PC: variants seen among roughly 807,000 people sequenced by gnomAD.
PC encodes the protein pyruvate carboxylase.
In PC, 46 loss-of-function variants were observed where a neutral mutation model predicts 107.8. The ratio of observed to expected loss-of-function variants is 0.43; its 90% CI spans 0.34 to 0.55. The LOEUF (loss-of-function observed/expected upper bound fraction) is 0.55. PC is among the 20% of genes least tolerant of loss of function. The pLI is 0.04. For missense variants in PC, 1,241 were observed against 1,643.1 expected (o/e 0.76, Z 4.23); for synonymous variants, 662 against 684.7 (o/e 0.97, Z 0.52).
intron 3 of PC, among the ~76,000 whole-genome samples, chr11:66,888,608 C>T (rs1306113448): frequency 2.0e-5 from 3 of 152,108 alleles, no homozygotes; most frequent in Non-Finnish European, 2.9e-5. Context: ...GGGGATGTGG[C>T]CTTAAATAAA....
chr11:66,859,019 C>G lies in PC; in HGVS notation c.1368+4755G>C, dbSNP rs753128001. ...CCTCAGGGCTGGTGAGCTGGGGTCCCGGGCGGCCAGCCGACCCAGTGTGGA... is the reference window on the plus strand; with the variant it reads ...CCTCAGGGCTGGTGAGCTGGGGTCCGGGGCGGCCAGCCGACCCAGTGTGGA... On this transcript the variant is annotated intron_variant, in intron 12 of 22. Transcript: ENST00000393960. 31 of 1,511,304 alleles carry G rather than the reference C, an allele frequency of 2.1e-5. No homozygotes were observed. The Middle Eastern group carries it at 1.4e-3, about 70-fold the overall frequency. The allele number at this position is 1,511,304 out of a possible 1,614,324, so 93.6% of individuals were successfully genotyped here.
chr11:66,865,747 G>C (rs1946466513), intron 11 of PC, among the ~76,000 whole-genome samples: 1 of 152,048 alleles, frequency 6.6e-6, no homozygotes, highest in Non-Finnish European at 1.5e-5. Flanking sequence ...CCTGAGCTTG[G>C]CTCAGACTCC....
rs977946559 is a variant in PC at position 66,851,799 on chromosome 11, A to G, written c.1973T>C (p.Val658Ala). Residue 658 changes from valine (V) to alanine (A), a missense_variant, in exon 16 of 23, where the codon GTG becomes GCG. Val to Ala is a moderately conservative substitution (Grantham distance 64, BLOSUM62 0). Coordinates refer to ENST00000393960, the MANE Select transcript of PC (RefSeq NM_001040716.2). ...AVGYTNYPDN[V>A]VFKFCEVAKE... is the part of the protein sequence containing the mutation. Reference sequence around the variant, plus strand: ...CCCACCCCAGGCTCACTTGAAGACCACGTTGTCTGGGTAGTTGGTGTAGCC... The same window carrying G: ...CCCACCCCAGGCTCACTTGAAGACCGCGTTGTCTGGGTAGTTGGTGTAGCC... The G allele has an allele frequency of 6.2e-7, 1 of 1,614,108 alleles. No individual in the cohort carries two copies. Among genetic ancestry groups the G allele is most frequent in the Admixed American group, 1.7e-5 (1 of 60,014 alleles).
At position 66,857,332 on chromosome 11, in the gene PC, C is replaced by G. The variant is rs1300814110; in HGVS notation, c.1369-3949G>C. The G allele has an allele frequency of 6.4e-6, 1 of 155,046 alleles. No homozygotes were observed. Among genetic ancestry groups the G allele is most frequent in the Admixed American group, 6.5e-5 (1 of 15,350 alleles). The allele number at this position is 155,046 out of a possible 1,614,324, so 9.6% of individuals were successfully genotyped here. ...CGCCGGGCGCAGCGCGGGGGCCGGC[C>G]AGGGAGGGGCCACGGACTCCACGGG... is the stretch of plus-strand genomic sequence containing the variant. On this transcript the variant is annotated intron_variant, in intron 12 of 22. Coordinates refer to ENST00000393960, the MANE Select transcript of PC (RefSeq NM_001040716.2). This position sits in a 1 kb window ranked among gnomAD's most constrained non-coding sequence, Gnocchi z 7.1.
At chr11:66,915,153 A>G (rs1948435710) in intron 3 of PC, among the ~76,000 whole-genome samples, 1 of 141,782 alleles carries the variant, frequency 7.1e-6, no homozygotes, top group African/African-American at 2.5e-5. Flanking sequence ...GGAGGGAGGG[A>G]GGGAGGGTGC....
At chr11:66,860,162 C>G in intron 12 of PC, 1 of 1,547,972 alleles carries the variant, frequency 6.5e-7, no homozygotes, top group Non-Finnish European at 8.7e-7. Context: ...GGGTAGGAGG[C>G]AGCGCCGAGC....
chr11:66,925,303 TG>T (rs1346179772), intron 3 of PC, among the ~76,000 whole-genome samples: 1 of 152,154 alleles, frequency 6.6e-6, no homozygotes, highest in African/African-American at 2.4e-5. Context: ...TACGGGAGAC[TG>T]GGGCTTATTT....
chr11:66,881,261 C>T (rs909829685), intron 3 of PC, among the ~76,000 whole-genome samples: 7 of 152,374 alleles, frequency 4.6e-5, no homozygotes, highest in African/African-American at 1.7e-4. Flanking sequence ...TGACAGATCC[C>T]TTTTCTTGGC....
At chr11:66,853,765 T>G (rs529297240) in intron 12 of PC, among the ~76,000 whole-genome samples, 4 of 152,318 alleles carry the variant, frequency 2.6e-5, no homozygotes, top group African/African-American at 9.6e-5. Flanking sequence ...ACTCTGGCAC[T>G]CTAAGTCACT....
Position 66,852,030 on chromosome 11 carries a change from C to T in PC, c.1826-84G>A. The T allele has an allele frequency of 7.1e-7, 1 of 1,410,676 alleles. No individual in the cohort carries two copies. Among genetic ancestry groups the T allele is most frequent in the Non-Finnish European group, 9.9e-7 (1 of 1,013,386 alleles). The allele number at this position is 1,410,676 out of a possible 1,614,324, so 87.4% of individuals were successfully genotyped here. A position where few individuals can be genotyped will look rare whatever the true frequency, so the allele number is the denominator to read the frequency against. ...CTTGGAGCTAGCTCTGCAGCACAAGCCTCTGGCCCCAATACCAGGTCCTGC... is the reference window on the plus strand; with the variant it reads ...CTTGGAGCTAGCTCTGCAGCACAAGTCTCTGGCCCCAATACCAGGTCCTGC... On this transcript the variant is annotated intron_variant, in intron 15 of 22. Coordinates refer to ENST00000393960, the MANE Select transcript of PC (RefSeq NM_001040716.2). This position sits in a 1 kb window ranked among gnomAD's most constrained non-coding sequence, Gnocchi z 4.7.
intron 10 of PC, among the ~76,000 whole-genome samples, chr11:66,868,524 C>T (rs372649995): frequency 9.9e-5 from 15 of 152,278 alleles, no homozygotes; most frequent in East Asian, 1.9e-4. Context: ...TGTGTGACCC[C>T]GAGCAACTCT....
rs900087019 is a variant in PC, at chr11:66,870,700, A to G, written c.751+75T>C. 4.3e-5 allele frequency: 61 copies of G among 1,419,068 alleles called. No homozygotes were observed. Among genetic ancestry groups the G allele is most frequent in the Non-Finnish European group, 7.9e-6 (8 of 1,013,300 alleles). 87.9% of individuals were successfully genotyped at this position (1,419,068 alleles called of 1,614,324 possible). A position where few individuals can be genotyped will look rare whatever the true frequency, so the allele number is the denominator to read the frequency against. On this transcript the variant is annotated intron_variant, in intron 8 of 22. Transcript: ENST00000393960. The surrounding 1 kb of genome is among the most constrained non-coding windows in gnomAD (Gnocchi z 6.1). Reference sequence around the variant, plus strand: ...CCCAGGGCTGTCCCCAAGGCCAGCCACTGTGACGGCACCAGGACTGGGCCT... The same window carrying G: ...CCCAGGGCTGTCCCCAAGGCCAGCCGCTGTGACGGCACCAGGACTGGGCCT...
rs1394438262 is a variant in PC, at chr11:66,941,584, C to T, written c.-1+10846G>A. Among the ~76,000 whole-genome samples, 8 of 152,232 alleles carry T rather than the reference C, an allele frequency of 5.3e-5. No homozygotes were observed. In the East Asian group the frequency reaches 1.2e-3, roughly 22 times the overall value. ...TCGGCTCACTGCAAGCTCCGCCTCC[C>T]GGGTTCACACCATTCTGCTGCCTCA... On this transcript the variant is annotated intron_variant, in intron 3 of 22. Coordinates refer to ENST00000393960, the MANE Select transcript of PC (RefSeq NM_001040716.2).
intron 3 of PC, among the ~76,000 whole-genome samples, chr11:66,917,310 G>T (rs1948485227): frequency 6.6e-6 from 1 of 152,074 alleles, no homozygotes; most frequent in Non-Finnish European, 1.5e-5. Flanking sequence ...GGCCTCAAGT[G>T]ATCCACCCCG....
At chr11:66,952,194 G>T (rs1949455290) in intron 3 of PC, 1 of 152,264 alleles carries the variant, frequency 6.6e-6, no homozygotes, top group Non-Finnish European at 1.5e-5. Flanking sequence ...CTTCTGCTGA[G>T]GCTGGCCAGC....
intron 3 of PC, among the ~76,000 whole-genome samples, chr11:66,922,332 T>C (rs973446911): frequency 6.6e-6 from 1 of 151,864 alleles, no homozygotes; most frequent in Non-Finnish European, 1.5e-5. Flanking sequence ...CCCAACACTT[T>C]GGGAGGCTGG....
intron 3 of PC, among the ~76,000 whole-genome samples, chr11:66,949,692 C>A (rs1382111261): frequency 6.6e-6 from 1 of 151,996 alleles, no homozygotes; most frequent in Admixed American, 6.6e-5. Context: ...AAATAAAAGC[C>A]CCCTGAAAGT....
Position 66,863,973 on chromosome 11 carries a change from G to T in PC, c.1186-17C>A, listed in dbSNP as rs1480849149. The T allele has an allele frequency of 6.2e-7, 1 of 1,613,340 alleles. No individual in the cohort carries two copies. On this transcript the variant is annotated splice_polypyrimidine_tract_variant and intron_variant, in intron 11 of 22. Transcript: ENST00000393960. ...CCGGAACACCTGTGGGAAGGGTGAGGCGTGAGGACCTGCGCCAGAAACTGC... is the reference window on the plus strand; with the variant it reads ...CCGGAACACCTGTGGGAAGGGTGAGTCGTGAGGACCTGCGCCAGAAACTGC...
chr11:66,923,016 T>G (rs1285243303), intron 3 of PC, among the ~76,000 whole-genome samples: 1 of 152,162 alleles, frequency 6.6e-6, no homozygotes, highest in Non-Finnish European at 1.5e-5. Context: ...TCTTGAGGCG[T>G]GCTGAGCAAT....
Sources: allele counts gnomAD v4.1 joint callset (sites outside exome capture counted in the v4.1 genomes callset), GRCh38; gene constraint gnomAD v4.1.1; non-coding constraint Gnocchi (gnomAD v3.1); transcripts MANE v1.5; gene names NCBI Gene and HGNC (gene_info 2026-07-23, HGNC 2026-07-21).